The following PRELID2 variants were observed in gnomAD, a reference collection of about 807,000 sequenced individuals.
PRELID2 encodes the protein PRELI domain containing 2, also known as PRELI domain-containing protein 2.
PRELID2 carries 25 observed loss-of-function variants against 28.4 expected under a neutral mutation model. The ratio of observed to expected loss-of-function variants is 0.88; its 90% CI spans 0.64 to 1.23. PRELID2 has a LOEUF of 1.23. Ranked by LOEUF, PRELID2 falls within the 50% of genes most tolerant of loss-of-function variation. The probability of loss-of-function intolerance (pLI) is 0.00; values close to 1 mark genes in which losing one functional copy is unlikely to be tolerated. For missense variants in PRELID2, 201 were observed against 214.4 expected (o/e 0.94, Z 0.39); for synonymous variants, 76 against 71.6 (o/e 1.06, Z -0.31).
At chr5:145,439,365 A>G in the PRELID2 span, among the ~76,000 whole-genome samples, 35,828 of 151,888 alleles carry the variant, frequency 0.24, 4,384 homozygotes, top group South Asian at 0.35. Context: ...CACATGGGTC[A>G]TGTTCTCTAA....
chr5:145,788,294 C>T (rs185831482), intron 5 of PRELID2, among the ~76,000 whole-genome samples: 1 of 152,208 alleles, frequency 6.6e-6, no homozygotes, highest in African/African-American at 2.4e-5. Context: ...AAGCTAACTA[C>T]ATATTTTAGC....
chr5:145,319,073 C>T, the PRELID2 span, among the ~76,000 whole-genome samples: 1 of 152,154 alleles, frequency 6.6e-6, no homozygotes, highest in African/African-American at 2.4e-5. Flanking sequence ...TCCTCTGCTC[C>T]TCTGCTCATG....
rs1308058190 is a variant in PRELID2 at position 145,820,026 on chromosome 5, A to T, written c.134-8T>A. 2 of 1,554,120 alleles carry T rather than the reference A, an allele frequency of 1.3e-6. No homozygotes were observed. The highest frequency in any genetic ancestry group is 3.7e-5 in the Admixed American group (2 of 54,008). Reference sequence around the variant, plus strand: ...TGACCCCTGTTGATTCATCTAAAAAAGAAATTTTTTTACACAAAAAAAAAT... The same window carrying T: ...TGACCCCTGTTGATTCATCTAAAAATGAAATTTTTTTACACAAAAAAAAAT... On this transcript the variant is annotated splice_region_variant and splice_polypyrimidine_tract_variant and intron_variant, in intron 2 of 6. Coordinates refer to ENST00000683046, the MANE Select transcript of PRELID2 (RefSeq NM_205846.3).
chr5:145,237,506 T>A, the PRELID2 span, among the ~76,000 whole-genome samples: 5 of 152,036 alleles, frequency 3.3e-5, no homozygotes, highest in African/African-American at 1.2e-4. Context: ...ACAGGGAAAA[T>A]TGGCATAATC....
the PRELID2 span, among the ~76,000 whole-genome samples, chr5:145,448,864 C>G: frequency 3.9e-5 from 6 of 152,158 alleles, no homozygotes; most frequent in African/African-American, 1.4e-4. Flanking sequence ...CATCATCATT[C>G]TAACTCTGGC....
At chr5:145,411,568 C>T in the PRELID2 span, among the ~76,000 whole-genome samples, 1 of 152,230 alleles carries the variant, frequency 6.6e-6, no homozygotes, top group East Asian at 1.9e-4. Context: ...CTACCAGCTG[C>T]TTTCATGGGC....
intron 1 of PRELID2, among the ~76,000 whole-genome samples, chr5:145,731,056 C>A (rs1756330996): frequency 6.6e-6 from 1 of 152,248 alleles, no homozygotes; most frequent in African/African-American, 2.4e-5. Context: ...CCAGGAGTGT[C>A]TCTCAGGTTT....
At chr5:145,306,022 G>T in the PRELID2 span, among the ~76,000 whole-genome samples, 1 of 152,220 alleles carries the variant, frequency 6.6e-6, no homozygotes, top group East Asian at 1.9e-4. Context: ...TCAGATAGCA[G>T]AAGTACAGCA....
chr5:145,652,773 C>A (rs527502297), intron 1 of PRELID2, among the ~76,000 whole-genome samples: 170 of 152,326 alleles, frequency 1.1e-3, no homozygotes, highest in Non-Finnish European at 2.0e-3. Flanking sequence ...AAAGGAACAA[C>A]CAGTACCAGC....
intron 4 of PRELID2, among the ~76,000 whole-genome samples, chr5:145,809,103 C>A (rs1043068559): frequency 7.3e-6 from 1 of 137,286 alleles, no homozygotes; most frequent in East Asian, 2.2e-4. Context: ...GTGGTGCGAT[C>A]TGGGTTCACT....
At chr5:145,367,661 C>T in the PRELID2 span, among the ~76,000 whole-genome samples, 1 of 151,914 alleles carries the variant, frequency 6.6e-6, no homozygotes, top group South Asian at 2.1e-4. Context: ...TTACTGTCTT[C>T]ACAGTTTTGC....
the PRELID2 span, among the ~76,000 whole-genome samples, chr5:145,259,012 G>C: frequency 1.3e-5 from 2 of 152,168 alleles, no homozygotes; most frequent in Non-Finnish European, 2.9e-5. Flanking sequence ...GCTCAAAGGG[G>C]TCCAGGTGCC....
At chr5:145,283,939 G>GT in the PRELID2 span, among the ~76,000 whole-genome samples, 1 of 151,984 alleles carries the variant, frequency 6.6e-6, no homozygotes. Flanking sequence ...GGAAGGTGGT[G>GT]TTTTTTTCAC....
chr5:145,786,661 T>C (rs1322914071), intron 5 of PRELID2, among the ~76,000 whole-genome samples: 1 of 152,252 alleles, frequency 6.6e-6, no homozygotes, highest in Non-Finnish European at 1.5e-5. Context: ...ACATATGTGT[T>C]GTTTCAAGCT....
chr5:145,406,645 C>T, the PRELID2 span, among the ~76,000 whole-genome samples: 5 of 152,290 alleles, frequency 3.3e-5, no homozygotes, highest in African/African-American at 1.2e-4. Context: ...ACTTTTGCTC[C>T]AAGAACCACT....
chr5:145,691,163 AC>A (rs1755141710), intron 1 of PRELID2, among the ~76,000 whole-genome samples: 1 of 152,058 alleles, frequency 6.6e-6, no homozygotes, highest in African/African-American at 2.4e-5. Flanking sequence ...TTTTAGCTCA[AC>A]TCCCCAAAAA....
At chr5:145,464,637 T>C in the PRELID2 span, among the ~76,000 whole-genome samples, 1 of 152,178 alleles carries the variant, frequency 6.6e-6, no homozygotes, top group Non-Finnish European at 1.5e-5. Context: ...GACAGAGATA[T>C]ATGGATGTAT....
intron 1 of PRELID2, among the ~76,000 whole-genome samples, chr5:145,724,596 AATAAATATATATATATATATATATAT>A (rs1343883472): frequency 3.5e-5 from 1 of 28,362 alleles, no homozygotes; most frequent in South Asian, 1.4e-3. Context: ...ACAAGAAGTA[AATAAATATATATATATATATATATAT>A]ATATATATAT....
At chr5:145,793,271 C>T (rs1392240426) in intron 5 of PRELID2, among the ~76,000 whole-genome samples, 4 of 152,146 alleles carry the variant, frequency 2.6e-5, no homozygotes. Context: ...TTTTAATTTA[C>T]AAACATAAAA....
Sources: gnomAD v4.1 joint callset for allele counts (sites outside exome capture counted in the v4.1 genomes callset) on GRCh38, gnomAD v4.1.1 for gene constraint, MANE v1.5 for transcripts, NCBI Gene and HGNC (gene_info 2026-07-23, HGNC 2026-07-21) for gene names.